The following SUMF1 variants were observed in gnomAD, a reference collection of about 807,000 sequenced individuals.
The protein encoded by SUMF1 is formylglycine-generating enzyme.
In SUMF1, 48 loss-of-function variants were observed where a neutral mutation model predicts 47.6. The observed-to-expected ratio is 1.01, with a 90% confidence interval of 0.80 to 1.28. SUMF1 has a LOEUF of 1.28. Ranked by LOEUF, SUMF1 falls within the 50% of genes most tolerant of loss-of-function variation. The pLI, the probability that SUMF1 is intolerant of heterozygous loss-of-function variation, is 0.00. For synonymous variants in SUMF1, 230 were observed against 192.1 expected, an observed-to-expected ratio of 1.20 and a Z score of -1.63; for missense variants, 571 against 485.4, an observed-to-expected ratio of 1.18 and a Z score of -1.66.
chr3:4,076,601 A>G (rs1188233504), intron 8 of SUMF1, among the ~76,000 whole-genome samples: 2 of 152,182 alleles, frequency 1.3e-5, no homozygotes, highest in African/African-American at 2.4e-5. Flanking sequence ...TCCATCTGAC[A>G]AAGCACTAAT....
At chr3:4,322,626 C>T (rs1056493149) in intron 8 of SUMF1, among the ~76,000 whole-genome samples, 5 of 150,904 alleles carry the variant, frequency 3.3e-5, no homozygotes, top group African/African-American at 7.3e-5. Context: ...TACCACTGCA[C>T]TTCAGCCTGG....
At chr3:4,212,247 T>C (rs187947859) in intron 8 of SUMF1, among the ~76,000 whole-genome samples, 31 of 152,242 alleles carry the variant, frequency 2.0e-4, no homozygotes, top group African/African-American at 7.5e-4. Flanking sequence ...GTCAGCAATC[T>C]TTGCTGTTCT....
intron 8 of SUMF1, among the ~76,000 whole-genome samples, chr3:4,176,698 T>A (rs778831426): frequency 6.6e-6 from 1 of 152,156 alleles, no homozygotes; most frequent in Non-Finnish European, 1.5e-5. Context: ...ACATTAACCT[T>A]AAATGTAAAT....
chr3:4,357,070 G>A (rs1352084976), downstream of SUMF1, among the ~76,000 whole-genome samples: 1 of 152,158 alleles, frequency 6.6e-6, no homozygotes, highest in African/African-American at 2.4e-5. Context: ...CTACATCCCA[G>A]ATCAGATTTT....
chr3:4,308,234 G>C (rs773395499), intron 8 of SUMF1, among the ~76,000 whole-genome samples: 1 of 152,158 alleles, frequency 6.6e-6, no homozygotes, highest in South Asian at 2.1e-4. Flanking sequence ...ATTTTGGTTT[G>C]AATATGTTTG....
At chr3:4,287,395 G>T (rs1697653376) in intron 8 of SUMF1, among the ~76,000 whole-genome samples, 2 of 131,548 alleles carry the variant, frequency 1.5e-5, no homozygotes, top group South Asian at 4.4e-4. Context: ...GAAGAATAAT[G>T]AACATAAATT....
Position 4,417,238 on chromosome 3 carries a change from A to G in SUMF1, c.730T>C (p.Phe244Leu). The part of the protein sequence containing the change: ...SCRGGLHNRL[F>L]PWGNKLQPKG... The stretch of plus-strand genomic sequence containing the variant: ...GGCTGCAGTTTGTTGCCCCAGGGGA[A>G]AAGTCTGTCAGAAGAGACACAGGCA... The change falls in exon 6 of 9, where the codon TTC (phenylalanine) becomes CTC (leucine). Residue 244 changes from phenylalanine (F) to leucine (L), a missense_variant. Physicochemically the swap from Phe to Leu is conservative, Grantham distance 22. Coordinates refer to ENST00000272902, the MANE Select transcript of SUMF1 (RefSeq NM_182760.4). 6.2e-6 allele frequency: 10 copies of G among 1,613,890 alleles called. No individual in the cohort carries two copies. The highest frequency in any genetic ancestry group is 8.5e-6 in the Non-Finnish European group (10 of 1,179,816).
chr3:4,193,372 T>A (rs1574966859), intron 8 of SUMF1, among the ~76,000 whole-genome samples: 1 of 152,118 alleles, frequency 6.6e-6, no homozygotes, highest in African/African-American at 2.4e-5. Flanking sequence ...AATTTGTGAA[T>A]CATTCTAGCA....
chr3:4,222,048 TG>T (rs1433470798), intron 8 of SUMF1, among the ~76,000 whole-genome samples: 6 of 152,096 alleles, frequency 3.9e-5, no homozygotes, highest in Non-Finnish European at 8.8e-5. Context: ...AATATCATAT[TG>T]CTAAAAACAA....
intron 8 of SUMF1, among the ~76,000 whole-genome samples, chr3:4,119,781 T>C (rs1256202531): frequency 6.6e-6 from 1 of 151,998 alleles, no homozygotes; most frequent in East Asian, 1.9e-4. Flanking sequence ...AGTACAAAAC[T>C]TAACAGAAGT....
At chr3:4,174,919 C>T (rs1460319892) in intron 8 of SUMF1, among the ~76,000 whole-genome samples, 1 of 152,236 alleles carries the variant, frequency 6.6e-6, no homozygotes, top group Non-Finnish European at 1.5e-5. Flanking sequence ...ACCCACGAAG[C>T]CTTGCTCACT....
At chr3:4,370,244 G>C (rs1436098023) in intron 8 of SUMF1, among the ~76,000 whole-genome samples, 1 of 152,196 alleles carries the variant, frequency 6.6e-6, no homozygotes, top group Non-Finnish European at 1.5e-5. Flanking sequence ...TGGCACAAAG[G>C]TGGTTAATGA....
Position 4,140,412 on chromosome 3 carries a change from C to A in SUMF1, c.1015-71667G>T, listed in dbSNP as rs142014170. Among the ~76,000 whole-genome samples the A allele has an allele frequency of 3.9e-5, 6 of 152,126 alleles. No individual in the cohort carries two copies. The East Asian group carries it at 1.2e-3, about 29-fold the overall frequency. The stretch of plus-strand genomic sequence containing the variant: ...TGATTCTTACTCCATTCTTATGTAA[C>A]TTCCTGCTATCCCCACCTAGAACTC... On this transcript the variant is annotated intron_variant and NMD_transcript_variant, in intron 8 of 12. Coordinates refer to the SUMF1 transcript ENST00000448413.
chr3:4,353,472 T>C (rs904796673), intron 8 of SUMF1, among the ~76,000 whole-genome samples: 1 of 152,140 alleles, frequency 6.6e-6, no homozygotes, highest in African/African-American at 2.4e-5. Context: ...CAGGATGGTC[T>C]CGATCTCCTG....
chr3:4,157,551 C>T (rs2125110729), intron 8 of SUMF1, among the ~76,000 whole-genome samples: 1 of 151,672 alleles, frequency 6.6e-6, no homozygotes, highest in Admixed American at 6.6e-5. Flanking sequence ...CTCAGAATCA[C>T]ATATCACTGG....
chr3:4,291,239 A>G (rs1387282033), intron 8 of SUMF1, among the ~76,000 whole-genome samples: 1 of 152,202 alleles, frequency 6.6e-6, no homozygotes, highest in Non-Finnish European at 1.5e-5. Context: ...ATATGTTAAC[A>G]CTGATGGTAG....
chr3:4,080,457 CTCT>C (rs1318674347), intron 8 of SUMF1, among the ~76,000 whole-genome samples: 3 of 152,090 alleles, frequency 2.0e-5, no homozygotes, highest in Admixed American at 6.5e-5. Context: ...CTTGAACCAA[CTCT>C]TCTTTTTTTT....
chr3:4,081,715 A>G (rs2125045542), intron 8 of SUMF1, among the ~76,000 whole-genome samples: 1 of 152,322 alleles, frequency 6.6e-6, no homozygotes, highest in African/African-American at 2.4e-5. Context: ...AACTTGGAAT[A>G]ATATGCAATG....
intron 8 of SUMF1, among the ~76,000 whole-genome samples, chr3:4,368,638 C>T (rs547194894): frequency 6.6e-6 from 1 of 152,280 alleles, no homozygotes; most frequent in Admixed American, 6.5e-5. Flanking sequence ...ACATATACAC[C>T]ATGGAAGAGT....
Sources: gnomAD v4.1 joint callset for allele counts (sites outside exome capture counted in the v4.1 genomes callset) on GRCh38, gnomAD v4.1.1 for gene constraint, MANE v1.5 for transcripts, NCBI Gene and HGNC (gene_info 2026-07-23, HGNC 2026-07-21) for gene names.